LEMD1: variants seen among roughly 807,000 people sequenced by gnomAD.
The protein encoded by LEMD1 is LEM domain-containing protein 1.
LEMD1 carries 18 observed loss-of-function variants against 17.4 expected under a neutral mutation model. That is an observed-to-expected ratio of 1.04 (90% CI 0.72 to 1.54). The LOEUF (loss-of-function observed/expected upper bound fraction) is 1.54, where lower values mean the gene tolerates loss of function less well. Among genes scored for constraint, LEMD1 ranks in the 40% most tolerant of loss-of-function variants. The probability of loss-of-function intolerance (pLI) is 0.00; values close to 1 mark genes in which losing one functional copy is unlikely to be tolerated. For missense variants in LEMD1, 195 were observed against 210.4 expected (o/e 0.93, Z 0.45); for synonymous variants, 88 against 77.8 (o/e 1.13, Z -0.69).
chr1:205,381,735 TC>T lies in LEMD1; in HGVS notation c.468del (p.Lys157SerfsTer16). ...ATGAAAATACCAAGCACAGCAAGCT[TC>T]AAGCCCACTGGGAAACCTTCTTCTC... ...SWREEGFPVG[L>X]KLAVLGIFII... On this transcript the variant is annotated frameshift_variant, in exon 6 of 6. Coordinates refer to ENST00000367153, the MANE Select transcript of LEMD1 (RefSeq NM_001199050.2). LOFTEE classifies it high-confidence loss of function. 3 of 1,614,232 alleles carry T rather than the reference TC, an allele frequency of 1.9e-6. No homozygotes were observed. The highest frequency in any genetic ancestry group is 2.5e-6 in the Non-Finnish European group (3 of 1,180,032).
intron 4 of LEMD1, among the ~76,000 whole-genome samples, chr1:205,411,706 A>G (rs112915663): frequency 1.3e-5 from 2 of 148,804 alleles, no homozygotes; most frequent in African/African-American, 5.2e-5. Flanking sequence ...AAAAAGGAAG[A>G]AAGAAAGAAA....
At chr1:205,410,898 G>A (rs1273510004) in intron 4 of LEMD1, among the ~76,000 whole-genome samples, 1 of 147,084 alleles carries the variant, frequency 6.8e-6, no homozygotes. Flanking sequence ...AGAAAGCAAA[G>A]GAAGGAAGGA....
At chr1:205,412,843 G>C (rs941620459) in intron 4 of LEMD1, among the ~76,000 whole-genome samples, 1 of 152,204 alleles carries the variant, frequency 6.6e-6, no homozygotes, top group Non-Finnish European at 1.5e-5. Context: ...GTAAAGTGGA[G>C]ACCGAAGGCC....
intron 4 of LEMD1, chr1:205,385,799 G>A (rs1445872918): frequency 2.6e-5 from 4 of 152,252 alleles, no homozygotes; most frequent in African/African-American, 9.7e-5. Flanking sequence ...CAGGACCCTT[G>A]AACATAAGAG....
intron 1 of LEMD1, chr1:205,434,771 C>T (rs1420207340): frequency 6.6e-6 from 1 of 152,256 alleles, no homozygotes; most frequent in East Asian, 1.9e-4. Context: ...TCCCTCCTCT[C>T]AGCAGATTTG....
intron 1 of LEMD1, among the ~76,000 whole-genome samples, chr1:205,433,907 G>C (rs1175831348): frequency 6.6e-6 from 1 of 152,180 alleles, no homozygotes; most frequent in Non-Finnish European, 1.5e-5. Context: ...ACTGGCTTTG[G>C]GGTTAGACTT....
chr1:205,407,560 C>G (rs1383243619), intron 4 of LEMD1, among the ~76,000 whole-genome samples: 1 of 152,182 alleles, frequency 6.6e-6, no homozygotes, highest in Non-Finnish European at 1.5e-5. Context: ...AGCATGGAAA[C>G]TCTGCGTCTC....
chr1:205,408,171 T>C (rs1665209777), intron 4 of LEMD1, among the ~76,000 whole-genome samples: 1 of 152,166 alleles, frequency 6.6e-6, no homozygotes, highest in African/African-American at 2.4e-5. Flanking sequence ...GAGTACTGGT[T>C]GGAAGCAATG....
intron 1 of LEMD1, chr1:205,437,346 C>A (rs1666226927): frequency 6.6e-6 from 1 of 152,584 alleles, no homozygotes; most frequent in Non-Finnish European, 1.5e-5. Context: ...GTGTATGTGA[C>A]AGAGAGAAAG....
At chr1:205,406,627 G>T (rs2102401072) in intron 4 of LEMD1, among the ~76,000 whole-genome samples, 1 of 152,320 alleles carries the variant, frequency 6.6e-6, no homozygotes, top group Admixed American at 6.5e-5. Context: ...TCCTTGACCA[G>T]GAAAGGGAAC....
At chr1:205,436,298 C>T (rs1030488533) in intron 1 of LEMD1, 1 of 152,192 alleles carries the variant, frequency 6.6e-6, no homozygotes, top group Non-Finnish European at 1.5e-5. Flanking sequence ...GCAATTTCTT[C>T]CTCAGTATGA....
rs542369094 is a variant in LEMD1, at chr1:205,383,028, T to C, written c.348-1172A>G. Among the ~76,000 whole-genome samples, 5 of 152,348 alleles carry C rather than the reference T, an allele frequency of 3.3e-5. No individual in the cohort carries two copies. In the East Asian group the frequency reaches 5.8e-4, roughly 18 times the overall value. On this transcript the variant is annotated intron_variant, in intron 5 of 5. Transcript: ENST00000367153. Reference sequence around the variant, plus strand: ...TTATTTGAACTACTTACTCTTTTTATTCGTTTTTAAAAATTGATACATAAT... The same window carrying C: ...TTATTTGAACTACTTACTCTTTTTACTCGTTTTTAAAAATTGATACATAAT...
chr1:205,449,144 C>T lies in LEMD1; in HGVS notation c.-39+724G>A, dbSNP rs532908901. Among the ~76,000 whole-genome samples, 4 of 152,286 alleles carry T rather than the reference C, an allele frequency of 2.6e-5. No homozygotes were observed. The East Asian group carries it at 7.7e-4, about 29-fold the overall frequency. ...AAGGCTGTGGGAGGGGTGCGCAGTG[C>T]CCTGCCGCTCTCATTGGCAGGACAT... On this transcript the variant is annotated intron_variant, in intron 1 of 3. Transcript: ENST00000367154.
intron 1 of LEMD1, among the ~76,000 whole-genome samples, chr1:205,438,198 G>A (rs1351060248): frequency 1.3e-5 from 2 of 152,164 alleles, no homozygotes; most frequent in East Asian, 1.9e-4. Context: ...TTTACAGATG[G>A]GGAAAACTGG....
chr1:205,391,706 T>A (rs1250535344), intron 4 of LEMD1, among the ~76,000 whole-genome samples: 1 of 151,968 alleles, frequency 6.6e-6, no homozygotes, highest in African/African-American at 2.4e-5. Context: ...CCCCAAGGTG[T>A]CCCCAGTGGG....
At chr1:205,405,043 G>A (rs1040733699) in intron 4 of LEMD1, among the ~76,000 whole-genome samples, 14 of 152,236 alleles carry the variant, frequency 9.2e-5, no homozygotes, top group South Asian at 8.3e-4. Flanking sequence ...ACTCTCTTCT[G>A]GCTTGTAAGA....
At chr1:205,389,882 C>A (rs1197098274) in intron 4 of LEMD1, among the ~76,000 whole-genome samples, 2 of 152,166 alleles carry the variant, frequency 1.3e-5, no homozygotes, top group Non-Finnish European at 2.9e-5. Context: ...TCTTAGCAGA[C>A]TTTTACTTCA....
chr1:205,440,307 G>C (rs568639160), intron 1 of LEMD1, among the ~76,000 whole-genome samples: 1 of 152,180 alleles, frequency 6.6e-6, no homozygotes, highest in African/African-American at 2.4e-5. Context: ...AGAACAGAGG[G>C]AGCCACGGAG....
intron 1 of LEMD1, among the ~76,000 whole-genome samples, chr1:205,429,068 C>T (rs1666093226): frequency 6.6e-6 from 1 of 152,224 alleles, no homozygotes; most frequent in African/African-American, 2.4e-5. Context: ...AACCAGCTAT[C>T]CATGCAGCTT....
Sources: allele counts gnomAD v4.1 joint callset (sites outside exome capture counted in the v4.1 genomes callset), GRCh38; gene constraint gnomAD v4.1.1; transcripts MANE v1.5; gene names NCBI Gene and HGNC (gene_info 2026-07-23, HGNC 2026-07-21).